NTM: variants seen among roughly 807,000 people sequenced by gnomAD.
The protein encoded by NTM is neurotrimin, also known as IgLON family member 2.
Under a neutral mutation model 42.1 loss-of-function variants are expected in NTM, and 13 were observed. The ratio of observed to expected loss-of-function variants is 0.31; its 90% CI spans 0.20 to 0.49. The LOEUF (loss-of-function observed/expected upper bound fraction) is 0.49. Among genes scored for constraint, NTM ranks in the 20% least tolerant of loss-of-function variants. The probability of loss-of-function intolerance (pLI) is 0.99; values close to 1 mark genes in which losing one functional copy is unlikely to be tolerated. For synonymous variants in NTM, 187 were observed against 179.2 expected (o/e 1.04, Z -0.35); for missense variants, 373 against 452.8 (o/e 0.82, Z 1.60).
chr11:132,070,983 A>T (rs368585155), intron 2 of NTM, among the ~76,000 whole-genome samples: 5 of 137,170 alleles, frequency 3.6e-5, no homozygotes, highest in African/African-American at 1.4e-4. Flanking sequence ...AACACGTCAC[A>T]CAGCCAAGTT....
chr11:132,127,251 C>G (rs1029681121), intron 2 of NTM, among the ~76,000 whole-genome samples: 8 of 152,144 alleles, frequency 5.3e-5, no homozygotes, highest in Admixed American at 5.2e-4. Flanking sequence ...TAAAGCAACC[C>G]GAACCCAAAA....
intron 1 of NTM, among the ~76,000 whole-genome samples, chr11:131,444,146 G>T (rs1202139306): frequency 2.1e-5 from 3 of 144,478 alleles, no homozygotes; most frequent in Non-Finnish European, 4.5e-5. Context: ...TTTAAGAAAA[G>T]GTGGTAGAGA....
At chr11:132,165,727 G>A (rs367595934) in intron 3 of NTM, among the ~76,000 whole-genome samples, 9 of 152,146 alleles carry the variant, frequency 5.9e-5, no homozygotes, top group Admixed American at 5.9e-4. Flanking sequence ...CTGTGGGGCT[G>A]TTCCATCCCT....
chr11:131,410,517 C>CAAAAAAAAAAAAAAAAAAAA, intron 1 of NTM, among the ~76,000 whole-genome samples: 1 of 32,766 alleles, frequency 3.1e-5, no homozygotes, highest in Non-Finnish European at 5.0e-5. Flanking sequence ...AAACAATAAC[C>CAAAAAAAAAAAAAAAAAAAA]AAAAAAAAAA....
intron 2 of NTM, among the ~76,000 whole-genome samples, chr11:132,137,571 T>C (rs1361944271): frequency 6.6e-6 from 1 of 152,142 alleles, no homozygotes; most frequent in African/African-American, 2.4e-5. Flanking sequence ...AACTGGGTAA[T>C]TTGAGCAGAG....
rs577488497 is a variant in NTM, at chr11:131,440,063, T to C, written c.82+69175T>C. ...TTCTCCTCTTATTTTCTTGTTTTCT[T>C]TCTGGCAGTTTTTTAAAAAGATGTT... On this transcript the variant is annotated intron_variant, in intron 1 of 8. Transcript: ENST00000683400. Among the ~76,000 whole-genome samples, 4 of 152,126 alleles carry C rather than the reference T, an allele frequency of 2.6e-5. No homozygotes were observed. In the South Asian group the frequency reaches 8.3e-4, roughly 32 times the overall value.
intron 1 of NTM, among the ~76,000 whole-genome samples, chr11:131,665,074 G>C (rs1018636595): frequency 2.0e-5 from 3 of 152,140 alleles, no homozygotes; most frequent in Non-Finnish European, 4.4e-5. Flanking sequence ...ATCTGTGTTT[G>C]CCAGTGGCAT....
intron 4 of NTM, among the ~76,000 whole-genome samples, chr11:132,233,242 C>G (rs958457527): frequency 6.6e-6 from 1 of 152,088 alleles, no homozygotes; most frequent in Admixed American, 6.6e-5. Flanking sequence ...ATGGTGAAAC[C>G]CTGTCTCTAC....
At chr11:131,917,405 A>G (rs1371823389) in intron 2 of NTM, among the ~76,000 whole-genome samples, 1 of 152,230 alleles carries the variant, frequency 6.6e-6, no homozygotes. Context: ...CATAGAAGTC[A>G]TTGAACTTGT....
At chr11:132,069,621 A>C (rs2057132548) in intron 2 of NTM, among the ~76,000 whole-genome samples, 2 of 151,146 alleles carry the variant, frequency 1.3e-5, no homozygotes, top group African/African-American at 2.4e-5. Context: ...CATCACACTG[A>C]CCGTCACAGG....
At chr11:131,649,200 A>G (rs1009328464) in intron 1 of NTM, among the ~76,000 whole-genome samples, 12 of 152,224 alleles carry the variant, frequency 7.9e-5, no homozygotes, top group Non-Finnish European at 1.3e-4. Flanking sequence ...AGCAATAATG[A>G]TAGTAATTGA....
At chr11:131,622,493 A>G (rs1454177980) in intron 1 of NTM, among the ~76,000 whole-genome samples, 4 of 152,228 alleles carry the variant, frequency 2.6e-5, no homozygotes, top group Non-Finnish European at 5.9e-5. Context: ...TTACTTGAAA[A>G]GTTAATTCAT....
chr11:131,647,825 T>G (rs1480124862), intron 1 of NTM, among the ~76,000 whole-genome samples: 1 of 152,130 alleles, frequency 6.6e-6, no homozygotes, highest in Non-Finnish European at 1.5e-5. Context: ...TAGATATGTT[T>G]TATTTAACTA....
At chr11:131,839,215 G>A (rs1031610465) in intron 1 of NTM, among the ~76,000 whole-genome samples, 1 of 150,080 alleles carries the variant, frequency 6.7e-6, no homozygotes, top group African/African-American at 2.5e-5. Context: ...GCCCGCCTCG[G>A]CCTCCCAAAG....
At chr11:131,668,581 A>G (rs1292916192) in intron 1 of NTM, among the ~76,000 whole-genome samples, 2 of 152,156 alleles carry the variant, frequency 1.3e-5, no homozygotes, top group Admixed American at 6.5e-5. Context: ...GAGACTTAAG[A>G]TGACTCCTTT....
intron 2 of NTM, among the ~76,000 whole-genome samples, chr11:131,970,174 A>G (rs368849226): frequency 6.6e-6 from 1 of 152,194 alleles, no homozygotes; most frequent in East Asian, 1.9e-4. Context: ...CCCTGTCACA[A>G]CCAAATCATA....
At chr11:131,441,792 G>A (rs1207713813) in intron 1 of NTM, among the ~76,000 whole-genome samples, 1 of 152,200 alleles carries the variant, frequency 6.6e-6, no homozygotes, top group Non-Finnish European at 1.5e-5. Flanking sequence ...TGCTGCCAGA[G>A]GATGGTATCT....
chr11:131,672,214 G>C (rs973143734), intron 1 of NTM, among the ~76,000 whole-genome samples: 1 of 152,208 alleles, frequency 6.6e-6, no homozygotes, highest in African/African-American at 2.4e-5. Context: ...GCAGCAAGGG[G>C]ACCCTTGAAC....
At chr11:131,668,144 C>G (rs900533626) in intron 1 of NTM, among the ~76,000 whole-genome samples, 1 of 152,174 alleles carries the variant, frequency 6.6e-6, no homozygotes, top group African/African-American at 2.4e-5. Context: ...GCCAATGGAA[C>G]ACGAGCCTGG....
Sources: gnomAD v4.1 joint callset for allele counts (sites outside exome capture counted in the v4.1 genomes callset) on GRCh38, gnomAD v4.1.1 for gene constraint, MANE v1.5 for transcripts, NCBI Gene and HGNC (gene_info 2026-07-23, HGNC 2026-07-21) for gene names.